The following OPHN1 variants were observed in gnomAD, a reference collection of about 807,000 sequenced individuals.
OPHN1 encodes oligophrenin 1.
OPHN1 carries 11 observed loss-of-function variants against 60.7 expected under a neutral mutation model. The ratio of observed to expected loss-of-function variants is 0.18; its 90% CI spans 0.11 to 0.30. The LOEUF is 0.30. Ranked by LOEUF, OPHN1 falls within the 10% of genes least tolerant of loss-of-function variation. The pLI is 1.00. For synonymous variants in OPHN1, 226 were observed against 222.6 expected, an observed-to-expected ratio of 1.02 and a Z score of -0.14; for missense variants, 449 against 611.0, an observed-to-expected ratio of 0.73 and a Z score of 2.80.
intron 6 of OPHN1, among the ~76,000 whole-genome samples, chrX:68,228,599 C>G (rs149468978): frequency 0.016 from 1,774 of 107,793 alleles, 40 homozygotes; most frequent in African/African-American, 0.056. Flanking sequence ...CTGCAAGGCT[C>G]GTTCAACATA....
chrX:68,154,646 A>T (rs1469944186), intron 15 of OPHN1, among the ~76,000 whole-genome samples: 2 of 111,929 alleles, frequency 1.8e-5, no homozygotes, highest in Non-Finnish European at 1.9e-5. Flanking sequence ...TTACAAATAG[A>T]ATATAAATTC....
rs1355783542 is a variant in OPHN1 at position 68,282,233 on chromosome X, T to TGG, written c.312+822_312+823insCC. Among the ~76,000 whole-genome samples the TGG allele has an allele frequency of 5.2e-3, 579 of 112,102 alleles. 4 individuals carry two copies. Among genetic ancestry groups the TGG allele is most frequent in the African/African-American group, 0.018 (550 of 30,914 alleles). On this transcript the variant is annotated intron_variant, in intron 4 of 24. Transcript: ENST00000355520. ...AATCATACAATGGGATATTACTTAATGATAAAAATAAATGACAGGAAAATA... is the reference window on the plus strand; with the variant it reads ...AATCATACAATGGGATATTACTTAATGGGATAAAAATAAATGACAGGAAAATA...
At chrX:68,146,754 T>C (rs1025106545) in intron 15 of OPHN1, among the ~76,000 whole-genome samples, 5 of 112,273 alleles carry the variant, frequency 4.5e-5, no homozygotes, top group African/African-American at 1.6e-4. Context: ...TACAAAGACC[T>C]CAGATGCTTA....
intron 20 of OPHN1, among the ~76,000 whole-genome samples, chrX:68,066,882 C>G (rs959037741): frequency 2.7e-5 from 3 of 111,903 alleles, no homozygotes; most frequent in Non-Finnish European, 5.6e-5. Context: ...AAGTTCGGTG[C>G]CATCCCCTTT....
intron 15 of OPHN1, among the ~76,000 whole-genome samples, chrX:68,166,158 A>C (rs12854449): frequency 0.14 from 15,635 of 112,125 alleles, 904 homozygotes; most frequent in African/African-American, 0.21. Flanking sequence ...AAGATTCATT[A>C]GATATGAAAC....
chrX:68,046,740 G>C lies in OPHN1; in HGVS notation c.*432C>G, dbSNP rs1356607989. The C allele has an allele frequency of 8.9e-6, 1 of 112,076 alleles. No homozygotes were observed. Among genetic ancestry groups the C allele is most frequent in the Non-Finnish European group, 1.9e-5 (1 of 53,223 alleles). The allele number at this position is 112,076 out of a possible 1,213,427, so 9.2% of individuals were successfully genotyped here. A position where few individuals can be genotyped will look rare whatever the true frequency, so the allele number is the denominator to read the frequency against. ...AAGGTAAGCAATGGCCCCAACTCAA[G>C]TGGCCTTCAGTTCAAGGTAAGACCC... On this transcript the variant is annotated 3_prime_UTR_variant, in exon 25 of 25. Transcript: ENST00000355520.
At chrX:68,202,138 G>A (rs1196216407) in intron 10 of OPHN1, among the ~76,000 whole-genome samples, 1 of 111,751 alleles carries the variant, frequency 8.9e-6, no homozygotes. Flanking sequence ...GAGGGTAGCT[G>A]AGCAAAGAAG....
intron 2 of OPHN1, among the ~76,000 whole-genome samples, chrX:68,389,121 AT>A (rs111626398): frequency 6.9e-4 from 65 of 94,348 alleles, no homozygotes; most frequent in African/African-American, 1.5e-3. Flanking sequence ...ACTCTGGCTA[AT>A]TTTTTTTTTT....
At chrX:68,264,989 C>T (rs1602281286) in intron 5 of OPHN1, among the ~76,000 whole-genome samples, 3 of 112,391 alleles carry the variant, frequency 2.7e-5, no homozygotes, top group Non-Finnish European at 5.6e-5. Flanking sequence ...GAGGGGCGCC[C>T]GCCATTGCCC....
At chrX:68,404,410 G>A (rs2147770758) in intron 2 of OPHN1, among the ~76,000 whole-genome samples, 1 of 111,035 alleles carries the variant, frequency 9.0e-6, no homozygotes, top group East Asian at 2.8e-4. Flanking sequence ...TGCCTGCCTT[G>A]GCCTCCCAAA....
chrX:68,053,592 C>T lies in OPHN1; in HGVS notation c.2324+53G>A, dbSNP rs2076860503. The T allele has an allele frequency of 3.5e-6, 4 of 1,142,643 alleles. No homozygotes were observed. In the South Asian group the frequency reaches 7.4e-5, roughly 21 times the overall value. The allele number at this position is 1,142,643 out of a possible 1,213,427, so 94.2% of individuals were successfully genotyped here. On this transcript the variant is annotated intron_variant, in intron 22 of 24. Coordinates refer to ENST00000355520, the MANE Select transcript of OPHN1 (RefSeq NM_002547.3). ...TTAATATGGTGATCCTGAAAGCATT[C>T]CTAGTGGCCTAGTACAGGACTTCAG...
intron 3 of OPHN1, among the ~76,000 whole-genome samples, chrX:68,288,960 G>A (rs745916530): frequency 1.4e-4 from 15 of 110,817 alleles, no homozygotes; most frequent in African/African-American, 4.6e-4. Flanking sequence ...AGAATTAATG[G>A]GAAGGCAATA....
intron 2 of OPHN1, among the ~76,000 whole-genome samples, chrX:68,382,606 G>T (rs917693667): frequency 9.0e-6 from 1 of 111,094 alleles, no homozygotes; most frequent in Admixed American, 9.7e-5. Flanking sequence ...TATTATTATT[G>T]ATAATGAACT....
intron 5 of OPHN1, among the ~76,000 whole-genome samples, chrX:68,257,641 T>G (rs935411288): frequency 1.7e-4 from 19 of 112,209 alleles, no homozygotes; most frequent in Non-Finnish European, 7.5e-5. Flanking sequence ...CCTACACAGC[T>G]ACCAATAGCC....
chrX:68,431,238 A>G (rs2078884108), intron 2 of OPHN1, among the ~76,000 whole-genome samples: 1 of 112,033 alleles, frequency 8.9e-6, no homozygotes, highest in African/African-American at 3.2e-5. Context: ...TCAGGCCACA[A>G]TAAGACAAAT....
At chrX:68,124,194 G>A (rs1308911556) in intron 15 of OPHN1, among the ~76,000 whole-genome samples, 2 of 111,013 alleles carry the variant, frequency 1.8e-5, no homozygotes, top group Non-Finnish European at 3.8e-5. Context: ...CTCAGCTTTT[G>A]TTTGTCAGGA....
At chrX:68,135,990 G>C (rs907567545) in intron 15 of OPHN1, among the ~76,000 whole-genome samples, 1 of 111,631 alleles carries the variant, frequency 9.0e-6, no homozygotes, top group African/African-American at 3.3e-5. Flanking sequence ...TGAAGGTCAA[G>C]GGAAAGATCT....
At chrX:68,208,550 C>T (rs1221509010) in intron 9 of OPHN1, among the ~76,000 whole-genome samples, 2 of 112,329 alleles carry the variant, frequency 1.8e-5, no homozygotes, top group African/African-American at 6.5e-5. Context: ...CATCACTTTA[C>T]ACTTCTTGGT....
At chrX:68,160,534 TA>T (rs2077330029) in intron 15 of OPHN1, among the ~76,000 whole-genome samples, 1 of 111,399 alleles carries the variant, frequency 9.0e-6, no homozygotes, top group Non-Finnish European at 1.9e-5. Flanking sequence ...AGCCAGGTCA[TA>T]AAACAAGCAT....
Sources: gnomAD v4.1 joint callset for allele counts (sites outside exome capture counted in the v4.1 genomes callset) on GRCh38, gnomAD v4.1.1 for gene constraint, MANE v1.5 for transcripts, NCBI Gene and HGNC (gene_info 2026-07-23, HGNC 2026-07-21) for gene names.